Variants in ZHX2 observed in about 807,000 individuals in gnomAD.
ZHX2 encodes zinc fingers and homeoboxes protein 2.
In ZHX2, 6 loss-of-function variants were observed where a neutral mutation model predicts 21.9. The observed-to-expected ratio is 0.27, with a 90% CI of 0.15 to 0.54. The LOEUF (loss-of-function observed/expected upper bound fraction) is 0.54, where lower values mean the gene tolerates loss of function less well. ZHX2 is among the 20% of genes least tolerant of loss of function. The probability of loss-of-function intolerance (pLI) is 0.95; values close to 1 mark genes in which losing one functional copy is unlikely to be tolerated. For synonymous variants in ZHX2, 434 were observed against 437.1 expected (o/e 0.99, Z 0.09); for missense variants, 908 against 1,090.7 (o/e 0.83, Z 2.36).
chr8:122,845,402 C>T (rs1039178104), intron 1 of ZHX2, among the ~76,000 whole-genome samples: 2 of 152,188 alleles, frequency 1.3e-5, no homozygotes, highest in African/African-American at 4.8e-5. Flanking sequence ...AACAATCTGA[C>T]TGCATAATTA....
In ZHX2 at chr8:122,905,072, A is replaced by C. The variant is rs557272996; in HGVS notation, c.-220+41533A>C. On this transcript the variant is annotated intron_variant, in intron 2 of 3. Transcript: ENST00000314393. ...AAGAATCAGTGAACTTCAAGATAGAATATTAGAAATAACCCAGTCTGAACA... is the reference window on the plus strand; with the variant it reads ...AAGAATCAGTGAACTTCAAGATAGACTATTAGAAATAACCCAGTCTGAACA... Among the ~76,000 whole-genome samples, 8 of 152,356 alleles carry C rather than the reference A, an allele frequency of 5.3e-5. No homozygotes were observed. In the East Asian group the frequency reaches 1.5e-3, roughly 29 times the overall value.
chr8:122,805,907 C>G (rs1401499362), intron 1 of ZHX2, among the ~76,000 whole-genome samples: 1 of 152,196 alleles, frequency 6.6e-6, no homozygotes, highest in East Asian at 1.9e-4. Context: ...CCTCTTCCCT[C>G]TAAACCTTTG....
Position 122,847,839 on chromosome 8 carries a change from C to T in ZHX2, c.-282-15638C>T, listed in dbSNP as rs796533845. Among the ~76,000 whole-genome samples the T allele has an allele frequency of 5.9e-5, 9 of 152,318 alleles. 1 individual carries two copies. Among genetic ancestry groups the T allele is most frequent in the African/African-American group, 2.2e-4 (9 of 41,568 alleles). On this transcript the variant is annotated intron_variant, in intron 1 of 3. Transcript: ENST00000314393. ...CCCTCTGAAGGTGGCTGCAGTCACG[C>T]CTGAGGAACCAGGAGTGTGACTTCC...
At chr8:122,789,396 G>A (rs1817466328) in intron 1 of ZHX2, among the ~76,000 whole-genome samples, 1 of 152,230 alleles carries the variant, frequency 6.6e-6, no homozygotes, top group African/African-American at 2.4e-5. Context: ...CAGCCCCTGG[G>A]TGTACCCAGA....
intron 2 of ZHX2, among the ~76,000 whole-genome samples, chr8:122,875,132 TATATATATATATATATATATATATA>T (rs1563763635): frequency 0.063 from 6,115 of 96,670 alleles, 960 homozygotes; most frequent in Non-Finnish European, 0.082. Flanking sequence ...AACTCTGTTA[TATATATATATATATATATATATATA>T]TATATATATA....
In ZHX2 at chr8:122,875,128, G is replaced by GTTTT. The variant is rs1186885962; in HGVS notation, c.-220+11591_-220+11592insTTTT. 2.8e-3 allele frequency among the ~76,000 whole-genome samples: 57 copies of GTTTT among 20,338 alleles called. 5 individuals are homozygous for GTTTT. Among genetic ancestry groups the GTTTT allele is most frequent in the African/African-American group, 0.013 (49 of 3,720 alleles). 13.3% of individuals were successfully genotyped at this position (20,338 alleles called of 152,430 possible). Reference sequence around the variant, plus strand: ...CTGCTTTTAGAGGAAGGAAAACTCTGTTATATATATATATATATATATATA... The same window carrying GTTTT: ...CTGCTTTTAGAGGAAGGAAAACTCTGTTTTTTATATATATATATATATATATATA... On this transcript the variant is annotated intron_variant, in intron 2 of 3. Transcript: ENST00000314393.
At chr8:122,853,899 A>C (rs1156868689) in intron 1 of ZHX2, among the ~76,000 whole-genome samples, 2 of 152,070 alleles carry the variant, frequency 1.3e-5, no homozygotes, top group Non-Finnish European at 2.9e-5. Context: ...TGCCCCACCT[A>C]AGGGCATCTG....
intron 1 of ZHX2, among the ~76,000 whole-genome samples, chr8:122,850,877 C>A (rs7009660): frequency 0.28 from 43,183 of 151,924 alleles, 6,478 homozygotes; most frequent in East Asian, 0.38. Context: ...CCAAGTCCTC[C>A]CAGTAGCCCC....
At chr8:122,928,560 TA>T (rs1321399868) in intron 2 of ZHX2, among the ~76,000 whole-genome samples, 4 of 152,186 alleles carry the variant, frequency 2.6e-5, no homozygotes, top group African/African-American at 9.6e-5. Context: ...ATCAGAGATT[TA>T]GGGGAGATTT....
intron 2 of ZHX2, among the ~76,000 whole-genome samples, chr8:122,939,015 G>A (rs752411741): frequency 2.0e-5 from 3 of 152,212 alleles, no homozygotes; most frequent in Non-Finnish European, 4.4e-5. Flanking sequence ...GAAGCATGCA[G>A]TAAGAGAAGC....
intron 2 of ZHX2, among the ~76,000 whole-genome samples, chr8:122,922,155 C>A (rs1433961418): frequency 1.3e-5 from 2 of 151,700 alleles, no homozygotes; most frequent in Non-Finnish European, 2.9e-5. Flanking sequence ...GTTTTCCCCA[C>A]CCCCACCAAC....
In ZHX2 at chr8:122,841,046, C is replaced by T. The variant is rs192053125; in HGVS notation, c.-282-22431C>T. On this transcript the variant is annotated intron_variant, in intron 1 of 3. Coordinates refer to ENST00000314393, the MANE Select transcript of ZHX2 (RefSeq NM_014943.5). ...GCCAGATACATGAAAACTCTTGTTTCGAACACTGAGCATTGACTGTTTACC... is the reference window on the plus strand; with the variant it reads ...GCCAGATACATGAAAACTCTTGTTTTGAACACTGAGCATTGACTGTTTACC... Among the ~76,000 whole-genome samples the T allele has an allele frequency of 5.8e-3, 886 of 152,302 alleles. 6 individuals are homozygous for T. Among genetic ancestry groups the T allele is most frequent in the Middle Eastern group, 0.027 (8 of 294 alleles).
At chr8:122,874,638 A>C (rs1306267514) in intron 2 of ZHX2, among the ~76,000 whole-genome samples, 1 of 152,122 alleles carries the variant, frequency 6.6e-6, no homozygotes, top group Non-Finnish European at 1.5e-5. Flanking sequence ...CGGCCATTGA[A>C]TCTCCATAAC....
intron 2 of ZHX2, among the ~76,000 whole-genome samples, chr8:122,869,358 G>A (rs1393163516): frequency 6.7e-6 from 1 of 148,212 alleles, no homozygotes; most frequent in East Asian, 2.0e-4. Flanking sequence ...ACAAAGTTTC[G>A]CTTTTGTCGC....
At chr8:122,818,966 G>A (rs780377297) in intron 1 of ZHX2, among the ~76,000 whole-genome samples, 3 of 152,192 alleles carry the variant, frequency 2.0e-5, no homozygotes, top group Non-Finnish European at 4.4e-5. Flanking sequence ...CAGATAGACC[G>A]CGTCCTTAGC....
chr8:122,934,199 GC>G (rs1288608645), intron 2 of ZHX2, among the ~76,000 whole-genome samples: 1 of 152,170 alleles, frequency 6.6e-6, no homozygotes, highest in Non-Finnish European at 1.5e-5. Context: ...AAATCTAGAA[GC>G]CATGTATCTT....
At chr8:122,968,645 C>G (rs750827401) in intron 3 of ZHX2, among the ~76,000 whole-genome samples, 1 of 152,146 alleles carries the variant, frequency 6.6e-6, no homozygotes, top group African/African-American at 2.4e-5. Context: ...TCAAGACCAG[C>G]CTGGCCAACA....
At chr8:122,829,348 A>G (rs1818324121) in intron 1 of ZHX2, among the ~76,000 whole-genome samples, 1 of 152,270 alleles carries the variant, frequency 6.6e-6, no homozygotes. Flanking sequence ...CAAAAGTTGC[A>G]TCAAACAAGG....
intron 2 of ZHX2, among the ~76,000 whole-genome samples, chr8:122,912,534 C>T (rs1047431609): frequency 8.5e-5 from 13 of 152,164 alleles, no homozygotes; most frequent in African/African-American, 2.7e-4. Flanking sequence ...TCAGAAGCCT[C>T]GTCTATGGCA....
Sources: gnomAD v4.1 joint callset for allele counts (sites outside exome capture counted in the v4.1 genomes callset) on GRCh38, gnomAD v4.1.1 for gene constraint, MANE v1.5 for transcripts, NCBI Gene and HGNC (gene_info 2026-07-23, HGNC 2026-07-21) for gene names.